CCSER1: variants seen among roughly 807,000 people sequenced by gnomAD.
CCSER1 encodes the protein coiled-coil serine rich protein 1, also known as serine-rich coiled-coil domain-containing protein 1.
CCSER1 carries 41 observed loss-of-function variants against 82.0 expected under a neutral mutation model. The ratio of observed to expected loss-of-function variants is 0.50; its 90% CI spans 0.39 to 0.65. CCSER1 has a LOEUF of 0.65. Ranked by LOEUF, CCSER1 falls within the 30% of genes least tolerant of loss-of-function variation. The probability of loss-of-function intolerance (pLI) is 0.00; values close to 1 mark genes in which losing one functional copy is unlikely to be tolerated. For missense variants in CCSER1, 1,119 were observed against 1,064.2 expected (o/e 1.05, Z -0.72); for synonymous variants, 414 against 383.9 (o/e 1.08, Z -0.92).
chr4:90,930,728 C>T (rs1350056266), intron 9 of CCSER1, among the ~76,000 whole-genome samples: 1 of 151,618 alleles, frequency 6.6e-6, no homozygotes, highest in Admixed American at 6.6e-5. Flanking sequence ...GTTTACAAAG[C>T]ATCAATCAAT....
intron 10 of CCSER1, among the ~76,000 whole-genome samples, chr4:91,512,577 T>C (rs1457551597): frequency 6.6e-6 from 1 of 152,216 alleles, no homozygotes; most frequent in Non-Finnish European, 1.5e-5. Flanking sequence ...TGTGATCATA[T>C]GAGTCAATTA....
At chr4:91,564,049 C>A (rs1261962194) in intron 10 of CCSER1, among the ~76,000 whole-genome samples, 1 of 151,816 alleles carries the variant, frequency 6.6e-6, no homozygotes, top group Non-Finnish European at 1.5e-5. Flanking sequence ...CAGCCTCCCC[C>A]ATTAATAGAC....
chr4:91,102,975 T>C (rs906696261), intron 10 of CCSER1, among the ~76,000 whole-genome samples: 2 of 152,250 alleles, frequency 1.3e-5, no homozygotes, highest in African/African-American at 4.8e-5. Flanking sequence ...AGATTTTTTT[T>C]CTGTTTTGGT....
chr4:91,387,589 A>G (rs908146961), intron 10 of CCSER1, among the ~76,000 whole-genome samples: 1 of 152,092 alleles, frequency 6.6e-6, no homozygotes, highest in Non-Finnish European at 1.5e-5. Flanking sequence ...TTTGTGAGTA[A>G]GATTTCCTTG....
chr4:90,483,697 G>A (rs184625942), intron 5 of CCSER1, among the ~76,000 whole-genome samples: 137 of 152,268 alleles, frequency 9.0e-4, no homozygotes, highest in African/African-American at 3.0e-3. Context: ...GTTGAATATT[G>A]GCCCCCACTC....
chr4:90,633,479 T>C (rs967982568), intron 6 of CCSER1, among the ~76,000 whole-genome samples: 2 of 151,970 alleles, frequency 1.3e-5, no homozygotes, highest in Non-Finnish European at 2.9e-5. Flanking sequence ...AGTAGATGGC[T>C]ATGGTATTCC....
At chr4:91,395,482 A>T (rs2149354197) in intron 10 of CCSER1, among the ~76,000 whole-genome samples, 1 of 152,158 alleles carries the variant, frequency 6.6e-6, no homozygotes, top group Middle Eastern at 3.4e-3. Flanking sequence ...TATCTTGGAA[A>T]TGAGATGGAT....
chr4:90,254,067 T>G (rs1722838330), intron 1 of CCSER1, among the ~76,000 whole-genome samples: 1 of 152,190 alleles, frequency 6.6e-6, no homozygotes, highest in African/African-American at 2.4e-5. Context: ...TTTTCCTGGT[T>G]TTATCTGTTA....
intron 3 of CCSER1, among the ~76,000 whole-genome samples, chr4:90,338,212 C>T (rs1740761046): frequency 6.6e-6 from 1 of 152,206 alleles, no homozygotes; most frequent in Non-Finnish European, 1.5e-5. Context: ...TCACTTGCTC[C>T]TTTCTACCTA....
At chr4:90,625,311 T>C (rs907474284) in intron 5 of CCSER1, among the ~76,000 whole-genome samples, 1 of 152,162 alleles carries the variant, frequency 6.6e-6, no homozygotes, top group Admixed American at 6.6e-5. Context: ...TGGGTATTTT[T>C]CTGCCCAATA....
chr4:90,421,956 G>T (rs538758231), intron 4 of CCSER1, among the ~76,000 whole-genome samples: 30 of 152,240 alleles, frequency 2.0e-4, no homozygotes, highest in Non-Finnish European at 2.2e-4. Flanking sequence ...TGGGTTGGTG[G>T]TTTTGGGCCT....
At chr4:90,781,750 C>G in intron 7 of CCSER1, 1 of 966,612 alleles carries the variant, frequency 1.0e-6, no homozygotes, top group Non-Finnish European at 1.2e-6. Context: ...AGTATGAAAA[C>G]CTGTCTTTTG....
chr4:90,831,102 C>A (rs2149821951), intron 8 of CCSER1, among the ~76,000 whole-genome samples: 1 of 152,102 alleles, frequency 6.6e-6, no homozygotes, highest in Non-Finnish European at 1.5e-5. Flanking sequence ...AGCTAACAAG[C>A]AGTAGGAAGG....
chr4:90,273,338 C>A (rs529668240), intron 1 of CCSER1, among the ~76,000 whole-genome samples: 65 of 151,736 alleles, frequency 4.3e-4, no homozygotes, highest in Non-Finnish European at 8.2e-4. Context: ...ACAATTTAAT[C>A]GCATGTTTAA....
chr4:90,429,975 A>G (rs1302055582), intron 4 of CCSER1, among the ~76,000 whole-genome samples: 1 of 151,858 alleles, frequency 6.6e-6, no homozygotes, highest in Non-Finnish European at 1.5e-5. Flanking sequence ...ATCTTTACTA[A>G]GTCTCACATA....
intron 5 of CCSER1, among the ~76,000 whole-genome samples, chr4:90,625,876 A>G (rs984662682): frequency 5.4e-4 from 82 of 152,324 alleles, no homozygotes; most frequent in African/African-American, 1.7e-3. Flanking sequence ...TGGCAAAGAT[A>G]TTCAAATTTG....
Position 90,870,984 on chromosome 4 carries a change from C to T in CCSER1, c.2095-52386C>T, listed in dbSNP as rs185088834. 5.3e-4 allele frequency among the ~76,000 whole-genome samples: 80 copies of T among 150,352 alleles called. 1 individual carries two copies. The East Asian group carries it at 9.9e-3, about 19-fold the overall frequency. On this transcript the variant is annotated intron_variant, in intron 8 of 10. Coordinates refer to ENST00000509176, the MANE Select transcript of CCSER1 (RefSeq NM_001145065.2). ...TTTCCTTTTTTAATGTATGTTTGCT[C>T]GTTTCTAATGATCTTTTGAATTTCT...
At chr4:90,327,025 A>G (rs1054346176) in intron 3 of CCSER1, among the ~76,000 whole-genome samples, 13 of 152,222 alleles carry the variant, frequency 8.5e-5, no homozygotes, top group African/African-American at 3.1e-4. Context: ...GTATATAGAT[A>G]AACTGCCCTA....
intron 10 of CCSER1, among the ~76,000 whole-genome samples, chr4:91,538,926 T>C (rs1174295462): frequency 6.6e-6 from 1 of 151,916 alleles, no homozygotes; most frequent in Non-Finnish European, 1.5e-5. Flanking sequence ...ATTGACAGTC[T>C]CCTACTGCTA....
Sources: allele counts gnomAD v4.1 joint callset (sites outside exome capture counted in the v4.1 genomes callset), GRCh38; gene constraint gnomAD v4.1.1; transcripts MANE v1.5; gene names NCBI Gene and HGNC (gene_info 2026-07-23, HGNC 2026-07-21).